Variants in CSMD1 observed in about 807,000 individuals in gnomAD.
CSMD1 encodes the protein CUB and Sushi multiple domains 1.
CSMD1 carries 213 observed loss-of-function variants against 417.5 expected under a neutral mutation model. The ratio of observed to expected loss-of-function variants is 0.51; its 90% confidence interval spans 0.46 to 0.57. The LOEUF (loss-of-function observed/expected upper bound fraction) is 0.57. Ranked by LOEUF, CSMD1 falls within the 20% of genes least tolerant of loss-of-function variation. CSMD1 has a pLI of 0.00. For synonymous variants in CSMD1, 2,862 were observed against 1,736.8 expected (o/e 1.65, Z -16.11); for missense variants, 6,923 against 4,529.7 (o/e 1.53, Z -15.17).
intron 21 of CSMD1, among the ~76,000 whole-genome samples, chr8:3,357,911 A>T (rs1808898510): frequency 6.6e-6 from 1 of 152,186 alleles, no homozygotes; most frequent in Admixed American, 6.5e-5. Context: ...GACACAGATG[A>T]TTTGATTCAT....
intron 68 of CSMD1, among the ~76,000 whole-genome samples, chr8:2,946,970 A>G (rs1157850855): frequency 1.3e-5 from 2 of 152,194 alleles, no homozygotes; most frequent in Non-Finnish European, 1.5e-5. Flanking sequence ...TTTCCCTGAT[A>G]ATGATTATAA....
intron 26 of CSMD1, among the ~76,000 whole-genome samples, chr8:3,251,611 G>C (rs1353973285): frequency 6.6e-6 from 1 of 152,128 alleles, no homozygotes; most frequent in Non-Finnish European, 1.5e-5. Flanking sequence ...AAAGTCATTG[G>C]TAGCTTGATG....
intron 7 of CSMD1, among the ~76,000 whole-genome samples, chr8:3,703,142 G>A (rs1307900246): frequency 2.6e-5 from 4 of 152,124 alleles, no homozygotes; most frequent in Non-Finnish European, 4.4e-5. Context: ...TTACAAGCTG[G>A]TGAAAAAGGA....
intron 7 of CSMD1, among the ~76,000 whole-genome samples, chr8:3,695,757 G>C (rs1467971673): frequency 1.3e-5 from 2 of 152,152 alleles, no homozygotes; most frequent in African/African-American, 4.8e-5. Context: ...CCTAGTCTGA[G>C]CATATTCAAT....
chr8:3,083,630 A>T (rs1585305597), intron 49 of CSMD1, among the ~76,000 whole-genome samples: 1 of 27,974 alleles, frequency 3.6e-5, no homozygotes, highest in Admixed American at 6.1e-4. Context: ...ATATATATAT[A>T]TATATATATA....
intron 12 of CSMD1, among the ~76,000 whole-genome samples, chr8:3,432,940 C>T (rs1388566096): frequency 1.3e-5 from 2 of 152,100 alleles, no homozygotes; most frequent in Non-Finnish European, 2.9e-5. Flanking sequence ...AAGAACATAC[C>T]TTATCAATAA....
Position 3,897,700 on chromosome 8 carries a change from A to G in CSMD1, c.818+100203T>C, listed in dbSNP as rs73661019. Among the ~76,000 whole-genome samples the G allele has an allele frequency of 9.0e-3, 1,364 of 152,298 alleles. 23 individuals carry two copies. Among genetic ancestry groups the G allele is most frequent in the African/African-American group, 0.031 (1,276 of 41,558 alleles). ...ATTATCAACTTCCTTTATCATGCCCATAATCCCGTGAGGAAGCCCTATTAA... is the reference window on the plus strand; with the variant it reads ...ATTATCAACTTCCTTTATCATGCCCGTAATCCCGTGAGGAAGCCCTATTAA... On this transcript the variant is annotated intron_variant, in intron 5 of 69. Transcript: ENST00000635120.
chr8:4,891,347 A>C (rs1268611096), intron 1 of CSMD1, among the ~76,000 whole-genome samples: 2 of 152,176 alleles, frequency 1.3e-5, no homozygotes, highest in African/African-American at 4.8e-5. Flanking sequence ...AGTTTATTGA[A>C]GTGAATTAGA....
intron 3 of CSMD1, among the ~76,000 whole-genome samples, chr8:4,093,048 G>A (rs1040973493): frequency 9.2e-5 from 14 of 152,020 alleles, no homozygotes; most frequent in African/African-American, 3.4e-4. Flanking sequence ...GTTGGTTATT[G>A]CATAGTTTGA....
chr8:4,773,231 G>A (rs554193248), intron 1 of CSMD1, among the ~76,000 whole-genome samples: 1 of 152,234 alleles, frequency 6.6e-6, no homozygotes, highest in African/African-American at 2.4e-5. Context: ...AAAAGTTTCA[G>A]ACTTTGGGGT....
intron 7 of CSMD1, among the ~76,000 whole-genome samples, chr8:3,699,043 A>C (rs1437155178): frequency 1.3e-5 from 2 of 152,180 alleles, no homozygotes; most frequent in East Asian, 3.9e-4. Context: ...CTCTGGATCT[A>C]GCGAAGCACT....
rs576674048 is a variant in CSMD1 at position 3,679,243 on chromosome 8, T to C, written c.1009+29171A>G. Among the ~76,000 whole-genome samples, 8 of 152,140 alleles carry C rather than the reference T, an allele frequency of 5.3e-5. No homozygotes were observed. In the South Asian group the frequency reaches 8.3e-4, roughly 16 times the overall value. ...CAATTACAAGACGCAGACTGGCAAA[T>C]TGGATAAAGAGTCAAGACCCATCAG... is the stretch of plus-strand genomic sequence containing the variant. On this transcript the variant is annotated intron_variant, in intron 7 of 69. Coordinates refer to ENST00000635120, the MANE Select transcript of CSMD1 (RefSeq NM_033225.6).
intron 1 of CSMD1, among the ~76,000 whole-genome samples, chr8:4,730,560 G>A (rs1473714168): frequency 6.6e-6 from 1 of 151,978 alleles, no homozygotes; most frequent in Non-Finnish European, 1.5e-5. Flanking sequence ...CTAACACGGT[G>A]AAACTCCGTC....
At chr8:4,791,610 T>C (rs936476629) in intron 1 of CSMD1, among the ~76,000 whole-genome samples, 1 of 152,144 alleles carries the variant, frequency 6.6e-6, no homozygotes, top group African/African-American at 2.4e-5. Context: ...TAAGCAGCAA[T>C]GTTACCAACG....
intron 3 of CSMD1, among the ~76,000 whole-genome samples, chr8:4,300,703 GTCCCCGGAGTGTGATGT>G (rs987472250): frequency 6.6e-6 from 1 of 152,090 alleles, no homozygotes; most frequent in African/African-American, 2.4e-5. Context: ...CCCCACAACA[GTCCCCGGAGTGTGATGT>G]TCCCCTTCCT....
chr8:4,073,350 G>C (rs1255800857), intron 3 of CSMD1, among the ~76,000 whole-genome samples: 3 of 152,154 alleles, frequency 2.0e-5, no homozygotes, highest in Non-Finnish European at 4.4e-5. Context: ...ACAGTTCTTA[G>C]TCACATAAGA....
intron 46 of CSMD1, among the ~76,000 whole-genome samples, chr8:3,099,519 G>T (rs181441541): frequency 4.6e-5 from 7 of 152,180 alleles, no homozygotes; most frequent in Non-Finnish European, 8.8e-5. Flanking sequence ...TTCATTTTGT[G>T]GGATTACACT....
intron 7 of CSMD1, among the ~76,000 whole-genome samples, chr8:3,636,441 G>T (rs189207275): frequency 6.6e-6 from 1 of 152,182 alleles, no homozygotes; most frequent in Non-Finnish European, 1.5e-5. Flanking sequence ...GCCTCCCACA[G>T]TGGTAGGATT....
intron 5 of CSMD1, among the ~76,000 whole-genome samples, chr8:3,870,689 T>G (rs1585118480): frequency 6.6e-6 from 1 of 152,314 alleles, no homozygotes; most frequent in East Asian, 1.9e-4. Context: ...GGATGTTAAG[T>G]ATTATCTGAT....
Sources: allele counts gnomAD v4.1 joint callset (sites outside exome capture counted in the v4.1 genomes callset), GRCh38; gene constraint gnomAD v4.1.1; transcripts MANE v1.5; gene names NCBI Gene and HGNC (gene_info 2026-07-23, HGNC 2026-07-21).